Variants in CSF2RA observed in about 807,000 individuals in gnomAD.
The protein encoded by CSF2RA is granulocyte-macrophage colony-stimulating factor receptor subunit alpha.
Under a neutral mutation model 51.6 loss-of-function variants are expected in CSF2RA, and 42 were observed. That is an observed-to-expected ratio of 0.81 (90% CI 0.64 to 1.05). The LOEUF (loss-of-function observed/expected upper bound fraction) is 1.05, where lower values mean the gene tolerates loss of function less well. Ranked by LOEUF, CSF2RA falls within the 50% of genes least tolerant of loss-of-function variation. The pLI, the probability that CSF2RA is intolerant of heterozygous loss-of-function variation, is 0.00. For synonymous variants in CSF2RA, 222 were observed against 193.0 expected (o/e 1.15, Z -1.24); for missense variants, 530 against 501.1 (o/e 1.06, Z -0.55).
chrX:1,285,818 G>GT lies in CSF2RA; in HGVS notation c.120dup (p.Asp41Ter). ...CACCAGCCTCTAGTCTCAATGTGAG[G>GT]TTTGACTCCAGGACGATGAATTTAA... On this transcript the variant is annotated frameshift_variant, in exon 4 of 13. Coordinates refer to ENST00000381529, the MANE Select transcript of CSF2RA (RefSeq NM_172245.4). LOFTEE classifies it high-confidence loss of function. 1 of 1,613,538 alleles carries GT rather than the reference G, an allele frequency of 6.2e-7. No homozygotes were observed. Among genetic ancestry groups the GT allele is most frequent in the South Asian group, 1.1e-5 (1 of 91,052 alleles).
intron 3 of CSF2RA, 124 bp from the exon 4 acceptor site, chrX:1,285,654 A>G (rs2090543445): frequency 3.4e-6 from 4 of 1,183,828 alleles, no homozygotes; most frequent in Non-Finnish European, 4.7e-6. Flanking sequence ...GTGACCTGAG[A>G]TCACAGCACT....
At chrX:1,301,587 C>CT (rs1440764567) in intron 10 of CSF2RA, among the ~76,000 whole-genome samples, 2 of 135,654 alleles carry the variant, frequency 1.5e-5, no homozygotes, top group African/African-American at 2.7e-5. Context: ...CTCTCTCCCT[C>CT]TTTTTTTCTT....
At position 1,294,396 on chromosome X, in the gene CSF2RA, C is replaced by G. The variant is rs1390612581; in HGVS notation, c.715C>G (p.Gln239Glu). 1.9e-6 allele frequency: 3 copies of G among 1,613,978 alleles called. No homozygotes were observed. The highest frequency in any genetic ancestry group is 2.7e-5 in the African/African-American group (2 of 75,056). ...GACGCACTGCCTCGTACGGTGGAAA[C>G]AGCCCAGGACCTATCAGAAGCTGTC... ...NTTHCLVRWK[Q>E]PRTYQKLSYL... Residue 239 changes from glutamine to glutamate, a missense_variant, in exon 8 of 13, where the codon CAG becomes GAG. Transcript: ENST00000381529.
intron 7 of CSF2RA, among the ~76,000 whole-genome samples, chrX:1,293,236 A>G (rs1301344525): frequency 6.6e-6 from 1 of 151,312 alleles, no homozygotes; most frequent in East Asian, 1.9e-4. Context: ...TTTTTCTGAG[A>G]CAGAGTCTCA....
chrX:1,279,341 C>T (rs1408291545), intron 2 of CSF2RA, among the ~76,000 whole-genome samples: 1 of 145,422 alleles, frequency 6.9e-6, no homozygotes. Flanking sequence ...CAGAGCAAGA[C>T]CGTCTACAAA....
chrX:1,272,343 A>T (rs1289767276), intron 1 of CSF2RA, among the ~76,000 whole-genome samples: 2 of 102,192 alleles, frequency 2.0e-5, no homozygotes, highest in Admixed American at 1.2e-4. Flanking sequence ...AGTACACCAC[A>T]TTGAGACTAC....
intron 3 of CSF2RA, among the ~76,000 whole-genome samples, chrX:1,283,661 G>A (rs772207104): frequency 2.4e-4 from 36 of 151,434 alleles, no homozygotes; most frequent in Admixed American, 2.1e-3. Context: ...TCAGCCTCCC[G>A]GGTTCAAGCG....
chrX:1,278,375 G>C (rs1242570095), intron 2 of CSF2RA, among the ~76,000 whole-genome samples: 4 of 149,032 alleles, frequency 2.7e-5, no homozygotes, highest in South Asian at 2.1e-4. Flanking sequence ...TATTATGAAA[G>C]TAAAGTAGTG....
chrX:1,299,676 G>A (rs2092242148), intron 9 of CSF2RA, among the ~76,000 whole-genome samples: 2 of 152,306 alleles, frequency 1.3e-5, no homozygotes, highest in South Asian at 4.1e-4. Context: ...CCAGCACCTT[G>A]GGAGGCTGAG....
intron 1 of CSF2RA, among the ~76,000 whole-genome samples, chrX:1,272,265 T>C (rs1464646695): frequency 1.3e-5 from 2 of 151,860 alleles, no homozygotes; most frequent in East Asian, 1.9e-4. Context: ...GATTTACACA[T>C]TTATAGAATG....
chrX:1,294,233 G>T, intron 7 of CSF2RA, 95 bp from the exon 8 acceptor site: 1 of 1,499,386 alleles, frequency 6.7e-7, no homozygotes, highest in Non-Finnish European at 9.3e-7. Context: ...CCTGGACCCA[G>T]TGTAGACAGG....
intron 2 of CSF2RA, among the ~76,000 whole-genome samples, chrX:1,280,086 G>C (rs185114117): frequency 1.3e-5 from 2 of 151,922 alleles, no homozygotes; most frequent in Non-Finnish European, 2.9e-5. Flanking sequence ...CACTGTGCCC[G>C]GCCGAGAGAC....
chrX:1,275,055 G>C (rs1446196528), intron 2 of CSF2RA, among the ~76,000 whole-genome samples: 1 of 149,226 alleles, frequency 6.7e-6, no homozygotes, highest in African/African-American at 2.5e-5. Context: ...TCCTCCTGAA[G>C]GGTCTCCAGG....
In CSF2RA at chrX:1,285,701, CAAAAAAAAAAAAAA is replaced by C. The variant is rs374606414; in HGVS notation, c.77-60_77-47del. 1,853 of 871,788 alleles carry C rather than the reference CAAAAAAAAAAAAAA, an allele frequency of 2.1e-3. 2 individuals are homozygous for C. Among genetic ancestry groups the C allele is most frequent in the Admixed American group, 4.2e-3 (119 of 28,170 alleles). The allele number at this position is 871,788 out of a possible 1,614,324, so 54.0% of individuals were successfully genotyped here. ...TGGGAGACAAAGCCAGACTCCGTCTCAAAAAAAAAAAAAAAAAAAAAAAAAAAAAAGGAAAAGAA... is the reference window on the plus strand; with the variant it reads ...TGGGAGACAAAGCCAGACTCCGTCTCAAAAAAAAAAAAAAAAGGAAAAGAA... On this transcript the variant is annotated intron_variant, in intron 3 of 12. Coordinates refer to ENST00000381529, the MANE Select transcript of CSF2RA (RefSeq NM_172245.4).
rs1289491127 is a variant in CSF2RA, at chrX:1,284,187, CTG to C, written c.76+1410_76+1411del. ...TTCTCATTCAAGCGGTTTTCTTTCT[CTG>C]TCTCTCTTTTTTTTTTTTTTTTTTT... On this transcript the variant is annotated intron_variant, in intron 3 of 12. Coordinates refer to ENST00000381529, the MANE Select transcript of CSF2RA (RefSeq NM_172245.4). 5.8e-3 allele frequency among the ~76,000 whole-genome samples: 710 copies of C among 123,466 alleles called. 10 individuals are homozygous for C. Among genetic ancestry groups the C allele is most frequent in the African/African-American group, 0.021 (666 of 31,888 alleles). 81.0% of individuals were successfully genotyped at this position (123,466 alleles called of 152,430 possible).
chrX:1,271,662 GT>G (rs1179812431), intron 1 of CSF2RA, among the ~76,000 whole-genome samples: 1 of 151,886 alleles, frequency 6.6e-6, no homozygotes, highest in Non-Finnish European at 1.5e-5. Flanking sequence ...GATTACAGGT[GT>G]GTGCTACCAT....
At chrX:1,285,945 C>A (rs1326294041) in intron 4 of CSF2RA, 25 bp downstream of exon 4, 2 of 1,613,758 alleles carry the variant, frequency 1.2e-6, no homozygotes, top group Non-Finnish European at 1.7e-6. Flanking sequence ...CCATTCTCAA[C>A]CCCTGTCCTT....
chrX:1,276,953 G>A (rs1312763883), intron 2 of CSF2RA, among the ~76,000 whole-genome samples: 1 of 151,808 alleles, frequency 6.6e-6, no homozygotes, highest in Non-Finnish European at 1.5e-5. Context: ...ACAAAAATTA[G>A]CTGGGCGTGG....
chrX:1,280,910 T>TCTCCTCCTCCTCCTCCTCCTCCTC (rs1250477697), intron 2 of CSF2RA, among the ~76,000 whole-genome samples: 1 of 33,210 alleles, frequency 3.0e-5, no homozygotes, highest in Non-Finnish European at 5.7e-5. Context: ...TCCTGCTCCT[T>TCTCCTCCTCCTCCTCCTCCTCCTC]CTCCTCCTCC....
Sources: allele counts gnomAD v4.1 joint callset (sites outside exome capture counted in the v4.1 genomes callset), GRCh38; gene constraint gnomAD v4.1.1; transcripts MANE v1.5; gene names NCBI Gene and HGNC (gene_info 2026-07-23, HGNC 2026-07-21).